ZCCHC24: variants seen among roughly 807,000 people sequenced by gnomAD.
The protein encoded by ZCCHC24 is zinc finger CCHC-type containing 24.
Under a neutral mutation model 26.2 loss-of-function variants are expected in ZCCHC24, and 10 were observed. The ratio of observed to expected loss-of-function variants is 0.38; its 90% CI spans 0.24 to 0.65. The LOEUF (loss-of-function observed/expected upper bound fraction) is 0.65. ZCCHC24 is among the 30% of genes least tolerant of loss of function. The pLI is 0.54. For synonymous variants in ZCCHC24, 144 were observed against 147.1 expected (o/e 0.98, Z 0.15); for missense variants, 243 against 329.1 (o/e 0.74, Z 2.03).
At chr10:79,439,664 C>G (rs573133219) in intron 1 of ZCCHC24, among the ~76,000 whole-genome samples, 2 of 151,964 alleles carry the variant, frequency 1.3e-5, no homozygotes, top group Admixed American at 1.3e-4. Context: ...TGGTGGCAGG[C>G]GCCTGTAATC....
intron 2 of ZCCHC24, among the ~76,000 whole-genome samples, chr10:79,401,956 GC>G (rs530021587): frequency 9.2e-4 from 140 of 152,344 alleles, no homozygotes; most frequent in Non-Finnish European, 1.8e-3. Context: ...TTCCCAGAGA[GC>G]AAGAGCCCCG....
chr10:79,431,204 C>G (rs2132217085), intron 2 of ZCCHC24, among the ~76,000 whole-genome samples: 1 of 152,306 alleles, frequency 6.6e-6, no homozygotes, highest in South Asian at 2.1e-4. Flanking sequence ...CAAAGTGCAA[C>G]AGGCTATGGA....
intron 2 of ZCCHC24, among the ~76,000 whole-genome samples, chr10:79,414,157 T>G (rs1856831762): frequency 3.9e-5 from 6 of 152,250 alleles, no homozygotes; most frequent in Admixed American, 1.3e-4. Context: ...AGACAAAGTC[T>G]GGGCCCAAGC....
At chr10:79,413,315 G>A (rs1349126943) in intron 2 of ZCCHC24, among the ~76,000 whole-genome samples, 4 of 152,238 alleles carry the variant, frequency 2.6e-5, no homozygotes, top group African/African-American at 9.6e-5. Context: ...GTGAGTGGCG[G>A]GACCCCTCCC....
In ZCCHC24 at chr10:79,414,673, C is replaced by A. The variant is rs192758908; in HGVS notation, c.447+17885G>T. ...TGCAGCCACCACAGCTGCCAGAGCACCCCACCATCTCAGACCTGGCAATGG... is the reference window on the plus strand; with the variant it reads ...TGCAGCCACCACAGCTGCCAGAGCAACCCACCATCTCAGACCTGGCAATGG... On this transcript the variant is annotated intron_variant, in intron 2 of 3. Coordinates refer to ENST00000372336, the MANE Select transcript of ZCCHC24 (RefSeq NM_153367.4). Among the ~76,000 whole-genome samples, 355 of 152,282 alleles carry A rather than the reference C, an allele frequency of 2.3e-3. 3 individuals carry two copies. The highest frequency in any genetic ancestry group is 9.5e-3 in the South Asian group (46 of 4,822).
At chr10:79,405,291 C>G (rs1326491878) in intron 2 of ZCCHC24, among the ~76,000 whole-genome samples, 1 of 152,236 alleles carries the variant, frequency 6.6e-6, no homozygotes, top group Non-Finnish European at 1.5e-5. Flanking sequence ...TCTCTGTGTG[C>G]TGCGGTCAGG....
At chr10:79,443,532 T>C (rs949545761) in intron 1 of ZCCHC24, among the ~76,000 whole-genome samples, 11 of 152,210 alleles carry the variant, frequency 7.2e-5, no homozygotes, top group African/African-American at 2.7e-4. Context: ...CCACCATTCA[T>C]ACCCTCTATC....
At chr10:79,416,208 AG>A (rs1438941374) in intron 2 of ZCCHC24, among the ~76,000 whole-genome samples, 9 of 152,238 alleles carry the variant, frequency 5.9e-5, no homozygotes, top group South Asian at 4.1e-4. Context: ...GGCAGCCTAG[AG>A]GGACAGGATG....
chr10:79,407,831 A>G (rs1348899329), intron 2 of ZCCHC24, among the ~76,000 whole-genome samples: 1 of 152,066 alleles, frequency 6.6e-6, no homozygotes, highest in Non-Finnish European at 1.5e-5. Flanking sequence ...TGGGCTTGAG[A>G]GGGGAAAGCC....
intron 2 of ZCCHC24, among the ~76,000 whole-genome samples, chr10:79,402,518 G>A (rs866614626): frequency 6.6e-6 from 1 of 152,146 alleles, no homozygotes; most frequent in South Asian, 2.1e-4. Context: ...CTTGTGATAC[G>A]CCCGCCTCGG....
chr10:79,389,975 C>T (rs936534139), intron 3 of ZCCHC24, among the ~76,000 whole-genome samples: 2 of 152,106 alleles, frequency 1.3e-5, no homozygotes, highest in African/African-American at 2.4e-5. Context: ...TGAATCCTCC[C>T]ACCTTAGCCT....
intron 2 of ZCCHC24, among the ~76,000 whole-genome samples, chr10:79,406,769 C>T (rs1268784377): frequency 6.6e-6 from 1 of 152,212 alleles, no homozygotes; most frequent in Non-Finnish European, 1.5e-5. Flanking sequence ...GATCTGAACC[C>T]AGGCCTGACT....
At chr10:79,436,904 T>C (rs534418221) in intron 1 of ZCCHC24, among the ~76,000 whole-genome samples, 12 of 152,178 alleles carry the variant, frequency 7.9e-5, no homozygotes, top group Non-Finnish European at 1.5e-4. Flanking sequence ...CCTAGGTCAG[T>C]GACCCCAGCA....
chr10:79,428,445 A>AAGATAAATTTCAGTTTTGCAAGAT (rs1857072922), intron 2 of ZCCHC24, among the ~76,000 whole-genome samples: 1 of 52,560 alleles, frequency 1.9e-5, no homozygotes, highest in Non-Finnish European at 3.9e-5. Flanking sequence ...TCAGTTTTGC[A>AAGATAAATTTCAGTTTTGCAAGAT]AGATAAATTT....
At chr10:79,406,886 GGGA>G (rs1856722320) in intron 2 of ZCCHC24, among the ~76,000 whole-genome samples, 1 of 152,180 alleles carries the variant, frequency 6.6e-6, no homozygotes. Flanking sequence ...GCCCTGAAAA[GGGA>G]GGAGAAGGAG....
intron 2 of ZCCHC24, among the ~76,000 whole-genome samples, chr10:79,406,508 C>A (rs575609978): frequency 6.6e-6 from 1 of 152,326 alleles, no homozygotes; most frequent in South Asian, 2.1e-4. Context: ...TCTCCACTGT[C>A]CCCAAAGGCG....
At chr10:79,426,293 T>G (rs774905640) in intron 2 of ZCCHC24, among the ~76,000 whole-genome samples, 1 of 152,218 alleles carries the variant, frequency 6.6e-6, no homozygotes, top group Non-Finnish European at 1.5e-5. Flanking sequence ...GTGGGCCTAG[T>G]GTTCTGCACA....
chr10:79,389,178 A>T (rs931549470), intron 3 of ZCCHC24, among the ~76,000 whole-genome samples: 2 of 152,132 alleles, frequency 1.3e-5, no homozygotes, highest in Non-Finnish European at 2.9e-5. Flanking sequence ...CTGGGAATTC[A>T]CTGGCACCTG....
In ZCCHC24 at chr10:79,391,276, G is replaced by A. The variant is rs373881694; in HGVS notation, c.612+3000C>T. 7.2e-5 allele frequency among the ~76,000 whole-genome samples: 11 copies of A among 152,270 alleles called. No individual in the cohort carries two copies. The East Asian group carries it at 7.7e-4, about 11-fold the overall frequency. ...TGGAGATGGGGGACAGGTGGTCAGG[G>A]AGCTGTGCTGGGACTGAGCTTGGCA... On this transcript the variant is annotated intron_variant, in intron 3 of 3. Transcript: ENST00000372336.
Sources: gnomAD v4.1 joint callset for allele counts (sites outside exome capture counted in the v4.1 genomes callset) on GRCh38, gnomAD v4.1.1 for gene constraint, MANE v1.5 for transcripts, NCBI Gene and HGNC (gene_info 2026-07-23, HGNC 2026-07-21) for gene names.